MXD3: variants seen among roughly 807,000 people sequenced by gnomAD.
MXD3 encodes MAX dimerization protein 3.
MXD3 carries 20 observed loss-of-function variants against 27.5 expected under a neutral mutation model. That is an observed-to-expected ratio of 0.73 (90% CI 0.51 to 1.06). MXD3 has a LOEUF of 1.06. MXD3 is among the 50% of genes least tolerant of loss of function. The pLI is 0.00. For missense variants in MXD3, 298 were observed against 291.3 expected (o/e 1.02, Z -0.17); for synonymous variants, 150 against 130.7 (o/e 1.15, Z -1.01).
chr5:177,306,196 G>A (rs755870604), downstream of MXD3: 1 of 1,605,378 alleles, frequency 6.2e-7, no homozygotes, highest in Non-Finnish European at 8.5e-7. Context: ...TGGGTATGTG[G>A]ATATTCCTCA....
At position 177,307,215 on chromosome 5, in the gene MXD3, A is replaced by G. The variant is rs1360744832; in HGVS notation, c.*373T>C. On this transcript the variant is annotated 3_prime_UTR_variant, in exon 6 of 6. Transcript: ENST00000439742. ...GCAAGACTATGGACGGGAAGTTATGAAAGAGGCTTTTAATGAAAATACTGT... is the reference window on the plus strand; with the variant it reads ...GCAAGACTATGGACGGGAAGTTATGGAAGAGGCTTTTAATGAAAATACTGT... 6.4e-7 allele frequency: 1 copy of G among 1,551,646 alleles called. No individual in the cohort carries two copies. The highest frequency in any genetic ancestry group is 1.2e-5 in the South Asian group (1 of 84,036).
chr5:177,310,466 G>C lies in MXD3; in HGVS notation c.281C>G (p.Thr94Ser), dbSNP rs1761008617. The stretch of plus-strand genomic sequence containing the variant: ...GGCACGGCGCAGCAGGCTCAGCGTG[G>C]TGTACCGGGCACAGTCGGCCCCCAG... The part of the protein sequence containing the change: ...MPLGADCARY[T>S]TLSLLRRARM... The change falls in exon 4 of 6, where the codon ACC becomes AGC. Residue 94 changes from threonine to serine, a missense_variant. By Grantham distance (58) the Thr-to-Ser change is moderately conservative (BLOSUM62 1). Transcript: ENST00000439742. The C allele has an allele frequency of 1.2e-6, 2 of 1,613,112 alleles. No homozygotes were observed. The highest frequency in any genetic ancestry group is 1.3e-5 in the African/African-American group (1 of 74,928).
chr5:177,305,501 C>A, downstream of MXD3: 1 of 261,948 alleles, frequency 3.8e-6, no homozygotes, highest in Non-Finnish European at 7.5e-6. Context: ...GCCACCGCGC[C>A]GGGCAAATGT....
At chr5:177,309,023 G>C (rs771694015) in intron 4 of MXD3, among the ~76,000 whole-genome samples, 1 of 152,246 alleles carries the variant, frequency 6.6e-6, no homozygotes, top group Non-Finnish European at 1.5e-5. Context: ...AGAAAGATAA[G>C]AGCTGCCGAG....
chr5:177,307,369 G>C lies in MXD3; in HGVS notation c.*219C>G. On this transcript the variant is annotated 3_prime_UTR_variant, in exon 6 of 6. Transcript: ENST00000439742. The stretch of plus-strand genomic sequence containing the variant: ...GGCCCAAGCTGCCTGCCCTGCAGGG[G>C]TCCAGGGAGGTCCTGATGAGTCCTG... 1 of 1,500,376 alleles carries C rather than the reference G, an allele frequency of 6.7e-7. No individual in the cohort carries two copies. The highest frequency in any genetic ancestry group is 9.0e-7 in the Non-Finnish European group (1 of 1,105,316). The allele number at this position is 1,500,376 out of a possible 1,614,324, so 92.9% of individuals were successfully genotyped here.
downstream of MXD3, chr5:177,305,689 G>A (rs1175308584): frequency 1.3e-5 from 8 of 606,732 alleles, no homozygotes; most frequent in Admixed American, 5.7e-5. Flanking sequence ...AGAGGTTTTC[G>A]AGAGCAAAAC....
rs544883143 is a variant in MXD3 at position 177,311,881 on chromosome 5, G to A, written c.-51C>T. 15 of 1,585,490 alleles carry A rather than the reference G, an allele frequency of 9.5e-6. No homozygotes were observed. The African/African-American group carries it at 9.5e-5, about 10-fold the overall frequency. On this transcript the variant is annotated 5_prime_UTR_variant, in exon 1 of 6. Coordinates refer to ENST00000439742, the MANE Select transcript of MXD3 (RefSeq NM_031300.4). ...GCCTAGGGTGCCGGCCGGAGCAAGCGGCTGCAGCACTTTTGTTACAAAGTA... is the reference window on the plus strand; with the variant it reads ...GCCTAGGGTGCCGGCCGGAGCAAGCAGCTGCAGCACTTTTGTTACAAAGTA...
At chr5:177,310,985 G>A (rs1246558776) in intron 2 of MXD3, 6 of 579,290 alleles carry the variant, frequency 1.0e-5, no homozygotes, top group Non-Finnish European at 1.8e-5. Flanking sequence ...AGCTAACTGC[G>A]GAAACAGATG....
chr5:177,311,970 G>T, upstream of MXD3: 2 of 1,325,090 alleles, frequency 1.5e-6, no homozygotes, highest in Non-Finnish European at 1.9e-6. Context: ...CCGCGGGAAC[G>T]CCCAGCCCTT....
chr5:177,306,977 C>A, downstream of MXD3: 1 of 1,294,908 alleles, frequency 7.7e-7, no homozygotes, highest in Non-Finnish European at 1.0e-6. Flanking sequence ...AGTCGGAAGG[C>A]TCTGGTTTGA....
chr5:177,311,916 G>T (rs575103640), upstream of MXD3: 120 of 1,490,852 alleles, frequency 8.0e-5, no homozygotes, highest in Admixed American at 1.2e-4. Context: ...AACTGACACG[G>T]TGCAACAAAC....
At chr5:177,308,166 G>T in intron 4 of MXD3, 1 of 574,484 alleles carries the variant, frequency 1.7e-6, no homozygotes, top group Non-Finnish European at 3.1e-6. Context: ...TCCTGTCAGG[G>T]TGCTGCCTAG....
chr5:177,309,355 T>G (rs1295833658), intron 4 of MXD3, among the ~76,000 whole-genome samples: 1 of 151,980 alleles, frequency 6.6e-6, no homozygotes, highest in Non-Finnish European at 1.5e-5. Context: ...GCCGGTGAAT[T>G]AATCCAGGAG....
upstream of MXD3, chr5:177,312,350 T>A: frequency 1.0e-6 from 1 of 985,866 alleles, no homozygotes; most frequent in Non-Finnish European, 1.2e-6. Context: ...GGATCGCTGT[T>A]GTCATCCTCG....
downstream of MXD3, chr5:177,305,785 C>A: frequency 9.0e-7 from 1 of 1,109,496 alleles, no homozygotes; most frequent in Non-Finnish European, 1.3e-6. Flanking sequence ...ATTGCTTCGC[C>A]TCATGAAAAG....
chr5:177,310,244 G>A, intron 4 of MXD3, among the ~76,000 whole-genome samples, 182 bp downstream of exon 4: 1 of 152,232 alleles, frequency 6.6e-6, no homozygotes, highest in East Asian at 1.9e-4. Context: ...AACCCTCTGA[G>A]TTATTGTCTG....
chr5:177,310,778 AGC>A, intron 2 of MXD3, 81 bp from the exon 3 acceptor site: 1 of 1,523,090 alleles, frequency 6.6e-7, no homozygotes, highest in Non-Finnish European at 9.1e-7. Flanking sequence ...GTGGCTCAAG[AGC>A]CACTACAGAT....
At chr5:177,310,957 G>A in intron 2 of MXD3, 1 of 594,800 alleles carries the variant, frequency 1.7e-6, no homozygotes, top group Non-Finnish European at 3.0e-6. Context: ...TGGCCAGAAA[G>A]GACCTCCCAG....
chr5:177,312,323 C>T (rs982452687), upstream of MXD3: 26 of 986,486 alleles, frequency 2.6e-5, no homozygotes, highest in South Asian at 4.6e-5. Context: ...CTCGCCCATT[C>T]GCACATGGCT....
Sources: allele counts gnomAD v4.1 joint callset (sites outside exome capture counted in the v4.1 genomes callset), GRCh38; gene constraint gnomAD v4.1.1; transcripts MANE v1.5; gene names NCBI Gene and HGNC (gene_info 2026-07-23, HGNC 2026-07-21).